Variants in PCDHGA4 observed in about 807,000 individuals in gnomAD.
The protein encoded by PCDHGA4 is protocadherin gamma-A4.
PCDHGA4 carries 38 observed loss-of-function variants against 54.6 expected under a neutral mutation model. The observed-to-expected ratio is 0.70, with a 90% CI of 0.54 to 0.91. The LOEUF (loss-of-function observed/expected upper bound fraction) is 0.91. Ranked by LOEUF, PCDHGA4 falls within the 40% of genes least tolerant of loss-of-function variation. PCDHGA4 has a pLI of 0.00. For synonymous variants in PCDHGA4, 511 were observed against 512.9 expected (o/e 1.00, Z 0.05); for missense variants, 1,298 against 1,220.9 (o/e 1.06, Z -0.94).
At chr5:141,403,226 C>A in intron 1 of PCDHGA4, 3 of 1,613,926 alleles carry the variant, frequency 1.9e-6, no homozygotes, top group South Asian at 1.1e-5. Context: ...TAGGATAGAC[C>A]GGGAGGAGCT....
chr5:141,465,688 G>C (rs1386213425), intron 1 of PCDHGA4, among the ~76,000 whole-genome samples: 1 of 152,086 alleles, frequency 6.6e-6, no homozygotes, highest in African/African-American at 2.4e-5. Context: ...TGACCAGTCT[G>C]CTTTTGCATT....
chr5:141,395,439 A>G, intron 1 of PCDHGA4: 1 of 679,568 alleles, frequency 1.5e-6, no homozygotes, highest in Non-Finnish European at 2.3e-6. Context: ...AACGACTTGG[A>G]AAAGATTGTT....
At chr5:141,507,017 C>CACTT (rs763489200) in intron 3 of PCDHGA4, 1 of 152,206 alleles carries the variant, frequency 6.6e-6, no homozygotes, top group Non-Finnish European at 1.5e-5. Flanking sequence ...ACCGAGAAGG[C>CACTT]ACTTGCCCCA....
In PCDHGA4 at chr5:141,408,231, G is replaced by A. The variant is rs775180708; in HGVS notation, c.2514+50610G>A. On this transcript the variant is annotated intron_variant, in intron 1 of 3. Coordinates refer to ENST00000571252, the MANE Select transcript of PCDHGA4 (RefSeq NM_018917.4). ...GGAGGGAGCTGCGCGCAGAGGCGCC[G>A]GGCCGGCCCGCGGCAGGTGCTATTT... 5 of 1,567,976 alleles carry A rather than the reference G, an allele frequency of 3.2e-6. No individual in the cohort carries two copies. In the African/African-American group the frequency reaches 5.4e-5, roughly 17 times the overall value.
chr5:141,374,633 A>G, intron 1 of PCDHGA4: 1 of 1,613,130 alleles, frequency 6.2e-7, no homozygotes, highest in South Asian at 1.1e-5. Flanking sequence ...GGACGTGCAA[A>G]GCGAAGCCCA....
rs777487681 is a variant in PCDHGA4, at chr5:141,432,809, T to C, written c.2515-61998T>C. 2.5e-6 allele frequency: 4 copies of C among 1,613,280 alleles called. No individual in the cohort carries two copies. In the African/African-American group the frequency reaches 5.4e-5, roughly 22 times the overall value. The stretch of plus-strand genomic sequence containing the variant: ...CGGCAGCCTCGAGTCTCCAGCTAAC[T>C]CTGAAACCTCAGACCTCACTCTGTA... On this transcript the variant is annotated intron_variant, in intron 1 of 3. Coordinates refer to ENST00000571252, the MANE Select transcript of PCDHGA4 (RefSeq NM_018917.4). The surrounding 1 kb of genome is among the most constrained non-coding windows in gnomAD (Gnocchi z 6.0).
At chr5:141,401,856 T>C (rs778189763) in intron 1 of PCDHGA4, among the ~76,000 whole-genome samples, 2 of 152,228 alleles carry the variant, frequency 1.3e-5, no homozygotes, top group Non-Finnish European at 2.9e-5. Context: ...ACTTTTAACC[T>C]TTCAGTAGTT....
Position 141,365,232 on chromosome 5 carries a change from T to C in PCDHGA4, c.2514+7611T>C, listed in dbSNP as rs762059066. 20 of 1,613,878 alleles carry C rather than the reference T, an allele frequency of 1.2e-5. No individual in the cohort carries two copies. The South Asian group carries it at 2.2e-4, about 18-fold the overall frequency. On this transcript the variant is annotated intron_variant, in intron 1 of 3. Transcript: ENST00000571252. ...CAACTTGATTCCAACCTGGGGGAAA[T>C]CTCAACTCTACAATCACTGGACTAT...
chr5:141,419,316 G>C (rs775328616), intron 1 of PCDHGA4: 2 of 1,613,876 alleles, frequency 1.2e-6, no homozygotes, highest in African/African-American at 1.3e-5. Flanking sequence ...CTCAACGGCC[G>C]TGTCTCCTAC....
At chr5:141,453,331 C>G (rs1224258701) in intron 1 of PCDHGA4, among the ~76,000 whole-genome samples, 1 of 151,962 alleles carries the variant, frequency 6.6e-6, no homozygotes, top group East Asian at 1.9e-4. Flanking sequence ...TGGGGTCTCA[C>G]TATGTTTCCC....
At chr5:141,370,637 T>A (rs749641470) in intron 1 of PCDHGA4, 1 of 1,613,770 alleles carries the variant, frequency 6.2e-7, no homozygotes, top group South Asian at 1.1e-5. Flanking sequence ...GCCCCGAAAA[T>A]GGGAACTTAC....
intron 1 of PCDHGA4, chr5:141,372,079 T>C: frequency 6.2e-7 from 1 of 1,613,698 alleles, no homozygotes; most frequent in East Asian, 2.2e-5. Flanking sequence ...GCACCGCTGG[T>C]GCTGTACCCA....
intron 1 of PCDHGA4, chr5:141,374,661 A>G: frequency 6.2e-7 from 1 of 1,611,830 alleles, no homozygotes; most frequent in Non-Finnish European, 8.5e-7. Context: ...AAGTACCCGG[A>G]GCTGGTGCTG....
chr5:141,419,018 AG>A (rs2096314197), intron 1 of PCDHGA4: 1 of 1,613,838 alleles, frequency 6.2e-7, no homozygotes, highest in African/African-American at 1.3e-5. Context: ...GTGTAGCTTA[AG>A]TAGAGGTGTT....
Position 141,487,622 on chromosome 5 carries a change from C to A in PCDHGA4, c.2515-7185C>A. 1 of 1,614,174 alleles carries A rather than the reference C, an allele frequency of 6.2e-7. No homozygotes were observed. Among genetic ancestry groups the A allele is most frequent in the Non-Finnish European group, 8.5e-7 (1 of 1,180,030 alleles). ...TCTTCTCTATGGGCTAGAGGTGAGACCTTTGCAGGCTCAACAAATGCTTGA... is the reference window on the plus strand; with the variant it reads ...TCTTCTCTATGGGCTAGAGGTGAGAACTTTGCAGGCTCAACAAATGCTTGA... On this transcript the variant is annotated intron_variant, in intron 1 of 3. Transcript: ENST00000571252. The surrounding 1 kb of genome is among the most constrained non-coding windows in gnomAD (Gnocchi z 5.0).
chr5:141,500,433 T>C (rs1398344932), intron 2 of PCDHGA4, among the ~76,000 whole-genome samples: 1 of 151,764 alleles, frequency 6.6e-6, no homozygotes, highest in East Asian at 1.9e-4. Context: ...ATGGTCTCGA[T>C]CTCCTGACCT....
Position 141,361,522 on chromosome 5 carries a change from G to C in PCDHGA4, c.2514+3901G>C. 13 of 1,614,054 alleles carry C rather than the reference G, an allele frequency of 8.1e-6. No individual in the cohort carries two copies. The highest frequency in any genetic ancestry group is 1.0e-5 in the Non-Finnish European group (12 of 1,179,900). On this transcript the variant is annotated intron_variant, in intron 1 of 3. Coordinates refer to ENST00000571252, the MANE Select transcript of PCDHGA4 (RefSeq NM_018917.4). ...GACTTCCTACATGGTTCACGTGGCA[G>C]AGAACAATCCTCCTGGCGCCTCTAT... is the stretch of plus-strand genomic sequence containing the variant.
intron 1 of PCDHGA4, chr5:141,377,299 G>A (rs1270863261): frequency 6.6e-6 from 1 of 152,100 alleles, no homozygotes; most frequent in African/African-American, 2.4e-5. Flanking sequence ...ATTTAGGTCA[G>A]TGTTAAAGAT....
intron 1 of PCDHGA4, chr5:141,371,395 A>G (rs746973366): frequency 5.0e-6 from 8 of 1,614,026 alleles, no homozygotes; most frequent in Non-Finnish European, 5.9e-6. Flanking sequence ...TGTAAAGTAC[A>G]GATAGATATT....
Sources: gnomAD v4.1 joint callset for allele counts (sites outside exome capture counted in the v4.1 genomes callset) on GRCh38, gnomAD v4.1.1 for gene constraint, Gnocchi (gnomAD v3.1) non-coding constraint, MANE v1.5 for transcripts, NCBI Gene and HGNC (gene_info 2026-07-23, HGNC 2026-07-21) for gene names.